HIVEP1: variants seen among roughly 807,000 people sequenced by gnomAD.
HIVEP1 encodes the protein HIVEP zinc finger 1.
In HIVEP1, 36 loss-of-function variants were observed where a neutral mutation model predicts 180.0. That is an observed-to-expected ratio of 0.20 (90% CI 0.15 to 0.26). The LOEUF (loss-of-function observed/expected upper bound fraction) is 0.26, where lower values mean the gene tolerates loss of function less well. HIVEP1 is among the 10% of genes least tolerant of loss of function. The pLI, the probability that HIVEP1 is intolerant of heterozygous loss-of-function variation, is 1.00. For synonymous variants in HIVEP1, 1,239 were observed against 1,239.0 expected (o/e 1.00, Z 0.00); for missense variants, 3,143 against 3,268.7 (o/e 0.96, Z 0.94).
rs199702924 is a variant in HIVEP1, at chr6:12,121,231, C to G, written c.1436C>G (p.Ser479Cys). The G allele has an allele frequency of 1.2e-6, 2 of 1,614,080 alleles. No individual in the cohort carries two copies. The highest frequency in any genetic ancestry group is 1.7e-6 in the Non-Finnish European group (2 of 1,180,016). Reference protein sequence around the residue: ...DAGGLFLSHESPKALSIHSDV... With the variant: ...DAGGLFLSHECPKALSIHSDV... ...GGTGGCTTGTTCTTGTCCCACGAGTCCCCCAAAGCACTTAGTATTCATTCA... is the reference window on the plus strand; with the variant it reads ...GGTGGCTTGTTCTTGTCCCACGAGTGCCCCAAAGCACTTAGTATTCATTCA... The change falls in exon 4 of 9, where the codon TCC (serine) becomes TGC (cysteine). Residue 479 changes from serine to cysteine, a missense_variant. Coordinates refer to ENST00000379388, the MANE Select transcript of HIVEP1 (RefSeq NM_002114.4). This position sits in a 1 kb window ranked among gnomAD's most constrained non-coding sequence, Gnocchi z 5.3.
At chr6:12,067,485 G>A (rs892357684) in intron 2 of HIVEP1, among the ~76,000 whole-genome samples, 7 of 149,802 alleles carry the variant, frequency 4.7e-5, no homozygotes. Context: ...TAATTTTAAA[G>A]TTTTTGAGCT....
chr6:12,140,885 A>G (rs1362181598), intron 7 of HIVEP1, among the ~76,000 whole-genome samples: 1 of 152,194 alleles, frequency 6.6e-6, no homozygotes, highest in Non-Finnish European at 1.5e-5. Flanking sequence ...AACCAAATCT[A>G]CATTTGATTG....
the HIVEP1 span, among the ~76,000 whole-genome samples, chr6:12,199,560 C>T: frequency 4.6e-5 from 7 of 152,006 alleles, no homozygotes; most frequent in Non-Finnish European, 7.4e-5. Context: ...GGGTTTTCTC[C>T]ATGTTGGCCG....
chr6:12,171,359 C>G, the HIVEP1 span, among the ~76,000 whole-genome samples: 1 of 152,088 alleles, frequency 6.6e-6, no homozygotes, highest in Non-Finnish European at 1.5e-5. Context: ...GCCAGAAATC[C>G]ATGATTTCAT....
chr6:12,066,846 A>C (rs1290300710), intron 2 of HIVEP1, among the ~76,000 whole-genome samples: 1 of 148,728 alleles, frequency 6.7e-6, no homozygotes, highest in Non-Finnish European at 1.5e-5. Context: ...GGGATGGTGG[A>C]TATATTTCAA....
chr6:12,037,051 A>T (rs1044735524), intron 2 of HIVEP1, among the ~76,000 whole-genome samples: 1 of 152,170 alleles, frequency 6.6e-6, no homozygotes, highest in Non-Finnish European at 1.5e-5. Flanking sequence ...TAAAGTAGTG[A>T]CGTTCAAGTT....
rs1463431031 is a variant in HIVEP1, at chr6:12,119,319, C to T, written c.95-571C>T. Among the ~76,000 whole-genome samples, 5 of 152,302 alleles carry T rather than the reference C, an allele frequency of 3.3e-5. No homozygotes were observed. In the South Asian group the frequency reaches 8.3e-4, roughly 25 times the overall value. On this transcript the variant is annotated intron_variant, in intron 3 of 8. Coordinates refer to ENST00000379388, the MANE Select transcript of HIVEP1 (RefSeq NM_002114.4). ...TCCTCATGGGTTGCCTTTGCAAATT[C>T]GGAGGGAGTTGGTGTGAAACCTGTG...
chr6:12,045,134 C>G (rs1472759582), intron 2 of HIVEP1, among the ~76,000 whole-genome samples: 1 of 151,950 alleles, frequency 6.6e-6, no homozygotes, highest in East Asian at 1.9e-4. Context: ...ACAGTCAGCT[C>G]TGTTCCTAAC....
chr6:12,194,929 C>A, the HIVEP1 span, among the ~76,000 whole-genome samples: 1 of 152,196 alleles, frequency 6.6e-6, no homozygotes, highest in Non-Finnish European at 1.5e-5. Flanking sequence ...AAAGGACAGA[C>A]ACTGCCAGGG....
At chr6:12,017,526 C>G (rs1242003573) in intron 2 of HIVEP1, among the ~76,000 whole-genome samples, 1 of 151,768 alleles carries the variant, frequency 6.6e-6, no homozygotes, top group Non-Finnish European at 1.5e-5. Flanking sequence ...CAAGGGGACC[C>G]AAGCAGTTGC....
Position 12,106,832 on chromosome 6 carries a change from G to A in HIVEP1, c.95-13058G>A, listed in dbSNP as rs534463576. Among the ~76,000 whole-genome samples, 42 of 152,236 alleles carry A rather than the reference G, an allele frequency of 2.8e-4. 1 individual carries two copies. In the South Asian group the frequency reaches 3.5e-3, roughly 13 times the overall value. On this transcript the variant is annotated intron_variant, in intron 3 of 8. Transcript: ENST00000379388. ...TCTAGGATCTGGCTTTGAGTATTGCGTATCATTGGCATGAGAGATATTCTT... is the reference window on the plus strand; with the variant it reads ...TCTAGGATCTGGCTTTGAGTATTGCATATCATTGGCATGAGAGATATTCTT...
intron 2 of HIVEP1, among the ~76,000 whole-genome samples, chr6:12,057,640 C>T (rs1770964814): frequency 6.6e-6 from 1 of 152,172 alleles, no homozygotes. Flanking sequence ...TAAAGCTTCA[C>T]CATCAGTTGG....
intron 2 of HIVEP1, among the ~76,000 whole-genome samples, chr6:12,040,417 C>T (rs970776914): frequency 1.3e-5 from 2 of 152,108 alleles, no homozygotes; most frequent in African/African-American, 4.8e-5. Flanking sequence ...AATAAAGATA[C>T]AGGTAGATTT....
chr6:12,019,276 G>A (rs958661451), intron 2 of HIVEP1, among the ~76,000 whole-genome samples: 3 of 152,196 alleles, frequency 2.0e-5, no homozygotes, highest in African/African-American at 7.2e-5. Context: ...TTGGTGCTCG[G>A]CGGTGACACC....
chr6:12,187,561 T>C, the HIVEP1 span, among the ~76,000 whole-genome samples: 7 of 152,026 alleles, frequency 4.6e-5, no homozygotes, highest in Admixed American at 4.6e-4. Context: ...TCCTGAACTT[T>C]TCCAGCTATC....
At chr6:12,019,618 T>C (rs1205167815) in intron 2 of HIVEP1, among the ~76,000 whole-genome samples, 1 of 152,192 alleles carries the variant, frequency 6.6e-6, no homozygotes, top group Non-Finnish European at 1.5e-5. Context: ...CTTTTTAGGC[T>C]TCCTGGGGGA....
intron 2 of HIVEP1, among the ~76,000 whole-genome samples, chr6:12,053,745 A>G (rs963320266): frequency 2.0e-5 from 3 of 152,260 alleles, no homozygotes; most frequent in African/African-American, 7.2e-5. Context: ...TTTCTCAATC[A>G]TAGCAAACCC....
intron 4 of HIVEP1, among the ~76,000 whole-genome samples, chr6:12,126,676 A>G (rs1758088397): frequency 6.6e-6 from 1 of 152,252 alleles, no homozygotes. Flanking sequence ...CAAATCTGTC[A>G]GTAGGAAAAT....
chr6:12,030,993 C>T (rs1386483449), intron 2 of HIVEP1, among the ~76,000 whole-genome samples: 1 of 152,162 alleles, frequency 6.6e-6, no homozygotes, highest in East Asian at 1.9e-4. Context: ...TGTTGTGTGG[C>T]TGCTGATGGC....
Sources: allele counts gnomAD v4.1 joint callset (sites outside exome capture counted in the v4.1 genomes callset), GRCh38; gene constraint gnomAD v4.1.1; non-coding constraint Gnocchi (gnomAD v3.1); transcripts MANE v1.5; gene names NCBI Gene and HGNC (gene_info 2026-07-23, HGNC 2026-07-21).